VPS13B: variants seen among roughly 807,000 people sequenced by gnomAD.
VPS13B encodes the protein intermembrane lipid transfer protein VPS13B.
A neutral mutation model predicts 426.4 loss-of-function variants in VPS13B; 285 were observed. That is an observed-to-expected ratio of 0.67 (90% CI 0.61 to 0.74). The LOEUF is 0.74. Ranked by LOEUF, VPS13B falls within the 30% of genes least tolerant of loss-of-function variation. The pLI, the probability that VPS13B is intolerant of heterozygous loss-of-function variation, is 0.00. For missense variants in VPS13B, 4,537 were observed against 4,782.6 expected, an observed-to-expected ratio of 0.95 and a Z score of 1.51; for synonymous variants, 1,676 against 1,676.4, an observed-to-expected ratio of 1.00 and a Z score of 0.01.
At chr8:99,617,069 A>G (rs1828126612) in intron 33 of VPS13B, among the ~76,000 whole-genome samples, 1 of 152,232 alleles carries the variant, frequency 6.6e-6, no homozygotes, top group Admixed American at 6.5e-5. Context: ...AAGGCAGATT[A>G]TAAGTTAAAT....
chr8:99,405,698 A>G (rs867002387), intron 21 of VPS13B, among the ~76,000 whole-genome samples: 1 of 151,888 alleles, frequency 6.6e-6, no homozygotes, highest in African/African-American at 2.4e-5. Context: ...TCTAACCTCC[A>G]TTAGGTTCTC....
Position 99,868,304 on chromosome 8 carries a change from T to G in VPS13B, c.11231T>G (p.Ile3744Arg), listed in dbSNP as rs763287127. 1 of 1,614,182 alleles carries G rather than the reference T, an allele frequency of 6.2e-7. No individual in the cohort carries two copies. Among genetic ancestry groups the G allele is most frequent in the Middle Eastern group, 1.6e-4 (1 of 6,062 alleles). ...GISLLGAIAGIVDQPMQNFQK... is the reference protein window; with the variant it reads ...GISLLGAIAGRVDQPMQNFQK... ...GTTATTCCAGGTGCAATTGCTGGTATAGTTGATCAGCCGATGCAGAACTTC... is the reference window on the plus strand; with the variant it reads ...GTTATTCCAGGTGCAATTGCTGGTAGAGTTGATCAGCCGATGCAGAACTTC... The change falls in exon 59 of 62, where the codon ATA (isoleucine) becomes AGA (arginine). Residue 3744 changes from isoleucine to arginine, a missense_variant. Physicochemically the swap from Ile to Arg is moderately conservative, Grantham distance 97. Around this residue, in one of 2 missense-constraint regions of VPS13B, gnomAD observed 4,311 missense variants for 4,474.3 expected, o/e 0.96. Transcript: ENST00000357162.
intron 17 of VPS13B, among the ~76,000 whole-genome samples, chr8:99,221,293 G>A (rs1016658821): frequency 1.3e-5 from 2 of 150,502 alleles, no homozygotes; most frequent in African/African-American, 2.5e-5. Context: ...TACTCATTTG[G>A]GTATATACCC....
Position 99,096,379 on chromosome 8 carries a change from T to C in VPS13B, c.359T>C (p.Ile120Thr). The C allele has an allele frequency of 1.2e-6, 2 of 1,614,106 alleles. No individual in the cohort carries two copies. Among genetic ancestry groups the C allele is most frequent in the Non-Finnish European group, 1.7e-6 (2 of 1,179,990 alleles). Residue 120 changes from isoleucine (I) to threonine (T), a missense_variant, in exon 4 of 62, where the codon ATC (isoleucine) becomes ACC (threonine). Coordinates refer to ENST00000357162, the MANE Select transcript of VPS13B (RefSeq NM_152564.5). ...ACTGCTGAGAGCACAAAATCATCAA[T>C]CAAACCGCGGAGAATGCAGCAGGCT... is the stretch of plus-strand genomic sequence containing the variant. The part of the protein sequence containing the change: ...RSTAESTKSS[I>T]KPRRMQQAAP...
intron 21 of VPS13B, among the ~76,000 whole-genome samples, chr8:99,409,521 G>T (rs147594110): frequency 6.6e-6 from 1 of 152,030 alleles, no homozygotes; most frequent in Non-Finnish European, 1.5e-5. Flanking sequence ...ATGTACAATT[G>T]TATACTTAGT....
At chr8:99,840,265 C>T (rs1315172149) in intron 54 of VPS13B, among the ~76,000 whole-genome samples, 2 of 152,280 alleles carry the variant, frequency 1.3e-5, no homozygotes, top group East Asian at 1.9e-4. Context: ...TGGTCAACCA[C>T]ATCCCCCAGG....
chr8:99,757,632 T>G (rs535954092), intron 39 of VPS13B, among the ~76,000 whole-genome samples: 2 of 152,332 alleles, frequency 1.3e-5, no homozygotes, highest in East Asian at 3.9e-4. Flanking sequence ...AAATATTCTT[T>G]GTACCAAAAA....
intron 17 of VPS13B, chr8:99,233,106 C>T: frequency 7.3e-7 from 1 of 1,377,202 alleles, no homozygotes; most frequent in Non-Finnish European, 1.0e-6. Context: ...GCTGCTTCAC[C>T]TCTTGTACAG....
chr8:99,739,710 A>G (rs1809586288), intron 39 of VPS13B, among the ~76,000 whole-genome samples: 1 of 152,234 alleles, frequency 6.6e-6, no homozygotes, highest in Admixed American at 6.5e-5. Context: ...CCAGGCAAAC[A>G]GGGTCTGGAG....
At chr8:99,587,495 A>T (rs1826365971) in intron 33 of VPS13B, among the ~76,000 whole-genome samples, 2 of 151,638 alleles carry the variant, frequency 1.3e-5, no homozygotes, top group South Asian at 4.2e-4. Flanking sequence ...TTGTTTCCTG[A>T]CTTTTAAATG....
chr8:99,291,082 A>G (rs947683061), intron 19 of VPS13B, among the ~76,000 whole-genome samples: 1 of 152,118 alleles, frequency 6.6e-6, no homozygotes, highest in African/African-American at 2.4e-5. Flanking sequence ...GAGAAAAGTT[A>G]GGAATATGTT....
At chr8:99,142,874 C>A in intron 12 of VPS13B, 100 bp from the exon 13 acceptor site, 1 of 1,247,344 alleles carries the variant, frequency 8.0e-7, no homozygotes, top group South Asian at 1.5e-5. Context: ...TGTTTTAAGG[C>A]ATTAAGCTAC....
At chr8:99,416,037 T>C (rs955266801) in intron 21 of VPS13B, among the ~76,000 whole-genome samples, 1 of 152,210 alleles carries the variant, frequency 6.6e-6, no homozygotes. Flanking sequence ...CTGCAGGTGC[T>C]CTGTCCTAGG....
At chr8:99,264,159 T>G (rs1425609050) in intron 17 of VPS13B, among the ~76,000 whole-genome samples, 3 of 152,100 alleles carry the variant, frequency 2.0e-5, no homozygotes, top group Non-Finnish European at 4.4e-5. Flanking sequence ...TAAACATATC[T>G]TCTCTCAATT....
intron 41 of VPS13B, among the ~76,000 whole-genome samples, chr8:99,778,316 T>A (rs1226739019): frequency 6.6e-6 from 1 of 152,142 alleles, no homozygotes; most frequent in Non-Finnish European, 1.5e-5. Context: ...CTAACTCTCT[T>A]TGAGTCATGT....
At chr8:99,777,171 A>T (rs970021232) in intron 41 of VPS13B, among the ~76,000 whole-genome samples, 2 of 152,180 alleles carry the variant, frequency 1.3e-5, no homozygotes, top group African/African-American at 4.8e-5. Context: ...TGTCAATGGT[A>T]TTGAGCTGAC....
chr8:99,089,257 A>G (rs1038513403), intron 3 of VPS13B, among the ~76,000 whole-genome samples: 3 of 152,182 alleles, frequency 2.0e-5, no homozygotes, highest in African/African-American at 7.2e-5. Context: ...TATGTGACAT[A>G]TTGAAAGTGT....
chr8:99,360,178 CTT>C (rs1310196153), intron 19 of VPS13B, among the ~76,000 whole-genome samples: 59 of 37,232 alleles, frequency 1.6e-3, no homozygotes, highest in South Asian at 0.011. Context: ...TTCTTTCTTT[CTT>C]TCTTTCTTTC....
chr8:99,096,092 A>C (rs144113619), intron 3 of VPS13B, among the ~76,000 whole-genome samples: 1 of 152,312 alleles, frequency 6.6e-6, no homozygotes, highest in Admixed American at 6.5e-5. Flanking sequence ...TAAAGAAAGA[A>C]GAATTTATAG....
Sources: gnomAD v4.1 joint callset for allele counts (sites outside exome capture counted in the v4.1 genomes callset) on GRCh38, gnomAD v4.1.1 for gene constraint, gnomAD v4.1.1 regional missense constraint, MANE v1.5 for transcripts, NCBI Gene and HGNC (gene_info 2026-07-23, HGNC 2026-07-21) for gene names.